The following SLC2A9 variants were observed in gnomAD, a reference collection of about 807,000 sequenced individuals.
SLC2A9 encodes solute carrier family 2 member 9.
Under a neutral mutation model 50.6 loss-of-function variants are expected in SLC2A9, and 39 were observed. The observed-to-expected ratio is 0.77, with a 90% CI of 0.60 to 1.01. The LOEUF is 1.01. Among genes scored for constraint, SLC2A9 ranks in the 50% least tolerant of loss-of-function variants. The pLI, the probability that SLC2A9 is intolerant of heterozygous loss-of-function variation, is 0.00. For missense variants in SLC2A9, 686 were observed against 677.6 expected, an observed-to-expected ratio of 1.01 and a Z score of -0.14; for synonymous variants, 324 against 276.9, an observed-to-expected ratio of 1.17 and a Z score of -1.69.
intron 5 of SLC2A9, among the ~76,000 whole-genome samples, chr4:9,961,456 G>T (rs1398375359): frequency 6.6e-6 from 1 of 152,164 alleles, no homozygotes; most frequent in Non-Finnish European, 1.5e-5. Context: ...AATGGGGAAA[G>T]GATTCTGTAT....
chr4:9,980,548 C>A lies in SLC2A9; in HGVS notation c.681+44G>T, dbSNP rs376987566. ...AAAAGGCTCCTTCCTGCAGTGGTAA[C>A]ATGAGATGAGAGCAGATGCGGTTGA... is the stretch of plus-strand genomic sequence containing the variant. On this transcript the variant is annotated intron_variant, in intron 5 of 11. Coordinates refer to ENST00000264784, the MANE Select transcript of SLC2A9 (RefSeq NM_020041.3). The A allele has an allele frequency of 2.5e-6, 4 of 1,613,136 alleles. No individual in the cohort carries two copies. The African/African-American group carries it at 5.3e-5, about 22-fold the overall frequency.
At chr4:9,807,721 G>C (rs1441071606) in intron 3 of SLC2A9, among the ~76,000 whole-genome samples, 2 of 152,208 alleles carry the variant, frequency 1.3e-5, no homozygotes, top group African/African-American at 4.8e-5. Context: ...GTGGACCTTA[G>C]GCTTGATGGA....
chr4:10,016,581 C>T (rs6827785), intron 2 of SLC2A9, among the ~76,000 whole-genome samples: 79,692 of 141,306 alleles, frequency 0.56, 21,219 homozygotes, highest in East Asian at 0.87. Flanking sequence ...TTTCCCGAAA[C>T]GGAGGGAGGG....
intron 4 of SLC2A9, among the ~76,000 whole-genome samples, chr4:9,982,070 C>A (rs910757451): frequency 6.6e-6 from 1 of 152,046 alleles, no homozygotes; most frequent in Non-Finnish European, 1.5e-5. Flanking sequence ...TTAGTAGAGA[C>A]GGGTTTCTCC....
intron 2 of SLC2A9, among the ~76,000 whole-genome samples, chr4:10,011,214 C>T (rs998510903): frequency 2.6e-5 from 4 of 152,162 alleles, no homozygotes; most frequent in South Asian, 2.1e-4. Context: ...GTGGACAACA[C>T]CCATGAGCAA....
intron 10 of SLC2A9, among the ~76,000 whole-genome samples, chr4:9,844,172 A>G (rs1158609719): frequency 1.4e-5 from 2 of 146,846 alleles, no homozygotes; most frequent in Admixed American, 1.4e-4. Context: ...ATAATAAAAA[A>G]AAAAAAAAGT....
At chr4:10,019,352 C>G (rs565574644) in intron 1 of SLC2A9, 11 of 530,222 alleles carry the variant, frequency 2.1e-5, no homozygotes. Flanking sequence ...TTTTCAGCAG[C>G]TGCTCTGGGC....
At chr4:9,867,735 C>T (rs1333793477) in intron 10 of SLC2A9, among the ~76,000 whole-genome samples, 2 of 152,204 alleles carry the variant, frequency 1.3e-5, no homozygotes. Context: ...GTCTGACTGC[C>T]TGACTGCCTG....
rs192688945 is a variant in SLC2A9, at chr4:10,015,593, G to A, written c.249+3382C>T. Among the ~76,000 whole-genome samples the A allele has an allele frequency of 6.6e-5, 10 of 152,282 alleles. No homozygotes were observed. The East Asian group carries it at 1.9e-3, about 29-fold the overall frequency. ...GAGATGAGGCCTTTGGGAGGTTACT[G>A]GGGTTAGCAGAGGTCATGGGGGCGG... On this transcript the variant is annotated intron_variant, in intron 2 of 11. Transcript: ENST00000264784.
chr4:9,918,962 A>C (rs1743403436), intron 7 of SLC2A9, among the ~76,000 whole-genome samples: 1 of 152,178 alleles, frequency 6.6e-6, no homozygotes, highest in African/African-American at 2.4e-5. Flanking sequence ...TGCGGCTTGC[A>C]GGTACACCAT....
At chr4:9,916,054 G>C (rs888215605) in intron 7 of SLC2A9, among the ~76,000 whole-genome samples, 1 of 152,106 alleles carries the variant, frequency 6.6e-6, no homozygotes. Flanking sequence ...CCTTCCCCTT[G>C]TTCCTCCCAG....
At chr4:9,786,504 G>A (rs1719240552) in intron 3 of SLC2A9, among the ~76,000 whole-genome samples, 1 of 152,186 alleles carries the variant, frequency 6.6e-6, no homozygotes, top group African/African-American at 2.4e-5. Context: ...CTATACAACA[G>A]CAGATCTTCA....
intron 2 of SLC2A9, among the ~76,000 whole-genome samples, chr4:10,007,318 C>T (rs1328944390): frequency 6.6e-6 from 1 of 152,220 alleles, no homozygotes. Context: ...AGGAGCCTGG[C>T]TGACTCACTG....
At chr4:9,980,423 TA>T (rs888546779) in intron 5 of SLC2A9, among the ~76,000 whole-genome samples, 168 bp downstream of exon 5, 9 of 151,996 alleles carry the variant, frequency 5.9e-5, no homozygotes, top group Middle Eastern at 3.2e-3. Context: ...TTTATGTACT[TA>T]AAAAAAATAA....
intron 11 of SLC2A9, among the ~76,000 whole-genome samples, chr4:9,833,975 C>T (rs1376021629): frequency 3.3e-5 from 5 of 152,172 alleles, no homozygotes; most frequent in Admixed American, 6.5e-5. Flanking sequence ...TGTTCCTGCT[C>T]CCAGATAACC....
At chr4:9,953,855 G>A (rs1480850561) in intron 5 of SLC2A9, among the ~76,000 whole-genome samples, 1 of 152,184 alleles carries the variant, frequency 6.6e-6, no homozygotes, top group Non-Finnish European at 1.5e-5. Flanking sequence ...TGTTGCCCAG[G>A]ATGGAGTGCA....
intron 10 of SLC2A9, among the ~76,000 whole-genome samples, chr4:9,840,086 G>T (rs1236130676): frequency 6.6e-6 from 1 of 152,144 alleles, no homozygotes; most frequent in East Asian, 1.9e-4. Context: ...ACTTAGGCTT[G>T]TGGAAGGTAA....
chr4:9,934,337 G>A (rs1286741636), intron 6 of SLC2A9, among the ~76,000 whole-genome samples: 1 of 152,260 alleles, frequency 6.6e-6, no homozygotes, highest in Non-Finnish European at 1.5e-5. Flanking sequence ...GACCACTGGA[G>A]CAGATGCTTC....
chr4:9,783,675 C>T (rs1292483420), intron 3 of SLC2A9: 3 of 581,066 alleles, frequency 5.2e-6, no homozygotes, highest in Non-Finnish European at 9.3e-6. Flanking sequence ...TGTACCCAGC[C>T]TACCAGAGAT....
Sources: gnomAD v4.1 joint callset for allele counts (sites outside exome capture counted in the v4.1 genomes callset) on GRCh38, gnomAD v4.1.1 for gene constraint, MANE v1.5 for transcripts, NCBI Gene and HGNC (gene_info 2026-07-23, HGNC 2026-07-21) for gene names.